The following HVCN1 variants were observed in gnomAD, a reference collection of about 807,000 sequenced individuals.
The protein encoded by HVCN1 is voltage-gated hydrogen channel 1.
HVCN1 carries 14 observed loss-of-function variants against 29.2 expected under a neutral mutation model. The ratio of observed to expected loss-of-function variants is 0.48; its 90% CI spans 0.32 to 0.75. The LOEUF (loss-of-function observed/expected upper bound fraction) is 0.75. Ranked by LOEUF, HVCN1 falls within the 30% of genes least tolerant of loss-of-function variation. The pLI, the probability that HVCN1 is intolerant of heterozygous loss-of-function variation, is 0.04. For missense variants in HVCN1, 263 were observed against 341.8 expected, an observed-to-expected ratio of 0.77 and a Z score of 1.82; for synonymous variants, 131 against 133.2, an observed-to-expected ratio of 0.98 and a Z score of 0.11.
intron 3 of HVCN1, among the ~76,000 whole-genome samples, chr12:110,667,624 G>A (rs2068417332): frequency 2.0e-5 from 3 of 151,896 alleles, no homozygotes; most frequent in African/African-American, 2.4e-5. Context: ...TAGAGGCAGG[G>A]TTTTGCTATG....
At chr12:110,680,715 G>A (rs1203723898) in intron 3 of HVCN1, among the ~76,000 whole-genome samples, 1 of 152,014 alleles carries the variant, frequency 6.6e-6, no homozygotes, top group Non-Finnish European at 1.5e-5. Context: ...CCAGGAGTTC[G>A]AGACCAGCCT....
chr12:110,669,443 G>C (rs561981065), intron 3 of HVCN1, among the ~76,000 whole-genome samples: 9 of 152,182 alleles, frequency 5.9e-5, no homozygotes, highest in African/African-American at 2.2e-4. Context: ...GCTTCCCCAG[G>C]CCCTGGTCTC....
rs2068066676 is a variant in HVCN1, at chr12:110,658,667, C to T, written c.306+2497G>A. ...CCCACCCCCAGGACCTCTCAGAGCC[C>T]CCCTCCTCCCTGCGGAGGGCTTCTC... On this transcript the variant is annotated intron_variant, in intron 4 of 7. Coordinates refer to ENST00000242607, the MANE Select transcript of HVCN1 (RefSeq NM_032369.4). This position sits in a 1 kb window ranked among gnomAD's most constrained non-coding sequence, Gnocchi z 5.0. Among the ~76,000 whole-genome samples, 2 of 152,052 alleles carry T rather than the reference C, an allele frequency of 1.3e-5. No homozygotes were observed. The highest frequency in any genetic ancestry group is 1.3e-4 in the Admixed American group (2 of 15,276).
In HVCN1 at chr12:110,676,146, G is replaced by T. The variant is rs2068745318; in HGVS notation, c.21+7079C>A. On this transcript the variant is annotated intron_variant, in intron 3 of 7. Coordinates refer to ENST00000242607, the MANE Select transcript of HVCN1 (RefSeq NM_032369.4). The surrounding 1 kb of genome is among the most constrained non-coding windows in gnomAD (Gnocchi z 4.1). ...CTAGCTTCACTCATCCTCCCCTATAGCCCTGTCCAGCATTAAGCCTGGTGC... is the reference window on the plus strand; with the variant it reads ...CTAGCTTCACTCATCCTCCCCTATATCCCTGTCCAGCATTAAGCCTGGTGC... Among the ~76,000 whole-genome samples the T allele has an allele frequency of 6.6e-6, 1 of 152,096 alleles. No individual in the cohort carries two copies. Among genetic ancestry groups the T allele is most frequent in the Non-Finnish European group, 1.5e-5 (1 of 68,020 alleles).
At chr12:110,675,679 G>T (rs958384770) in intron 3 of HVCN1, among the ~76,000 whole-genome samples, 1 of 152,072 alleles carries the variant, frequency 6.6e-6, no homozygotes, top group Admixed American at 6.5e-5. Context: ...GCTGAGGTGG[G>T]TGGATTGCTT....
chr12:110,689,216 C>T (rs1187436410), upstream of HVCN1: 1 of 151,436 alleles, frequency 6.6e-6, no homozygotes, highest in Non-Finnish European at 1.5e-5. The surrounding 1 kb of genome is among the most constrained non-coding windows in gnomAD (Gnocchi z 5.7). Flanking sequence ...GCCCCCACAG[C>T]CCGCAGACCC....
chr12:110,664,823 T>A (rs1490659091), intron 3 of HVCN1, among the ~76,000 whole-genome samples: 2 of 152,116 alleles, frequency 1.3e-5, no homozygotes, highest in African/African-American at 4.8e-5. Context: ...GGAACAAGAT[T>A]TCATGAGGCA....
chr12:110,651,116 C>T, intron 6 of HVCN1, 101 bp downstream of exon 6: 1 of 800,108 alleles, frequency 1.2e-6, no homozygotes, highest in South Asian at 1.6e-5. Context: ...TAACAGGAGC[C>T]ACTGTGAGCT....
Position 110,688,671 on chromosome 12 carries a change from G to A in HVCN1, c.-66C>T, listed in dbSNP as rs1328464641. The A allele has an allele frequency of 1.3e-5, 2 of 152,526 alleles. No homozygotes were observed. Among genetic ancestry groups the A allele is most frequent in the African/African-American group, 4.8e-5 (2 of 41,468 alleles). 9.4% of individuals were successfully genotyped at this position (152,526 alleles called of 1,614,324 possible). ...GCCTCCTTTGGCTGTGTGACCCAAGGCAAGGGGCTTGGCCTCTCTGCGTCT... is the reference window on the plus strand; with the variant it reads ...GCCTCCTTTGGCTGTGTGACCCAAGACAAGGGGCTTGGCCTCTCTGCGTCT... On this transcript the variant is annotated 5_prime_UTR_variant, in exon 2 of 8. Transcript: ENST00000242607.
At position 110,649,370 on chromosome 12, in the gene HVCN1, A is replaced by G. The variant is rs770046019; in HGVS notation, c.*40T>C. 3.9e-6 allele frequency: 6 copies of G among 1,542,524 alleles called. No individual in the cohort carries two copies. The Admixed American group carries it at 1.0e-4, about 26-fold the overall frequency. On this transcript the variant is annotated 3_prime_UTR_variant, in exon 8 of 8. Coordinates refer to ENST00000242607, the MANE Select transcript of HVCN1 (RefSeq NM_032369.4). ...GTTCCTCTCGTGACAGCACAGGCCCATGAGACAGTGTCTTCTTTTTGAGGG... is the reference window on the plus strand; with the variant it reads ...GTTCCTCTCGTGACAGCACAGGCCCGTGAGACAGTGTCTTCTTTTTGAGGG...
chr12:110,681,925 G>C (rs954466974), intron 3 of HVCN1, among the ~76,000 whole-genome samples: 1 of 151,874 alleles, frequency 6.6e-6, no homozygotes, highest in Non-Finnish European at 1.5e-5. Context: ...TTTCCTACTC[G>C]AGATGGCCAT....
In HVCN1 at chr12:110,658,969, C is replaced by CG. The variant is rs913382739; in HGVS notation, c.306+2194dup. Reference sequence around the variant, plus strand: ...GCAGGAGGGGGATATCCTGATGGGGCGGCCCAGGGCTCCCCTTGCAGCTGC... The same window carrying CG: ...GCAGGAGGGGGATATCCTGATGGGGCGGGCCCAGGGCTCCCCTTGCAGCTGC... On this transcript the variant is annotated intron_variant, in intron 4 of 7. Transcript: ENST00000242607. This position sits in a 1 kb window ranked among gnomAD's most constrained non-coding sequence, Gnocchi z 5.0. Among the ~76,000 whole-genome samples the CG allele has an allele frequency of 6.6e-6, 1 of 152,222 alleles. No homozygotes were observed. Among genetic ancestry groups the CG allele is most frequent in the Non-Finnish European group, 1.5e-5 (1 of 68,022 alleles).
chr12:110,685,725 T>C (rs945531253), intron 2 of HVCN1, among the ~76,000 whole-genome samples: 1 of 152,130 alleles, frequency 6.6e-6, no homozygotes, highest in Non-Finnish European at 1.5e-5. Context: ...GGTCTCACTC[T>C]GTCACCCTGG....
At chr12:110,666,788 T>C (rs1017654239) in intron 3 of HVCN1, among the ~76,000 whole-genome samples, 28 of 152,156 alleles carry the variant, frequency 1.8e-4, no homozygotes, top group African/African-American at 6.5e-4. Flanking sequence ...AAAGAGGCCC[T>C]CCCTCACCCC....
At chr12:110,693,822 C>T (rs955065240), upstream of HVCN1, among the ~76,000 whole-genome samples, 2 of 152,170 alleles carry the variant, frequency 1.3e-5, no homozygotes, top group Admixed American at 6.5e-5. Context: ...CTGTTTTATG[C>T]ATTGAAAAAC....
intron 3 of HVCN1, among the ~76,000 whole-genome samples, chr12:110,665,715 A>C (rs1296380472): frequency 6.6e-6 from 1 of 152,058 alleles, no homozygotes; most frequent in Non-Finnish European, 1.5e-5. Flanking sequence ...TCTACAAAAA[A>C]GATCCAGCTG....
chr12:110,679,254 A>G (rs1468920300), intron 3 of HVCN1, among the ~76,000 whole-genome samples: 2 of 152,194 alleles, frequency 1.3e-5, no homozygotes, highest in Non-Finnish European at 2.9e-5. Context: ...GAGGTGGGTA[A>G]GGAACCCCAG....
chr12:110,677,776 A>C (rs371911274), intron 3 of HVCN1, among the ~76,000 whole-genome samples: 3 of 152,220 alleles, frequency 2.0e-5, no homozygotes, highest in East Asian at 3.9e-4. Flanking sequence ...TCATGAAAAC[A>C]ACCACCGTGA....
chr12:110,662,073 A>C (rs570355370), intron 3 of HVCN1, among the ~76,000 whole-genome samples: 1 of 152,336 alleles, frequency 6.6e-6, no homozygotes, highest in East Asian at 1.9e-4. Flanking sequence ...ATGTATAGGT[A>C]TGAGTGCAAG....
Sources: gnomAD v4.1 joint callset for allele counts (sites outside exome capture counted in the v4.1 genomes callset) on GRCh38, gnomAD v4.1.1 for gene constraint, Gnocchi (gnomAD v3.1) non-coding constraint, MANE v1.5 for transcripts, NCBI Gene and HGNC (gene_info 2026-07-23, HGNC 2026-07-21) for gene names.